ERG: variants seen among roughly 807,000 people sequenced by gnomAD.
The protein encoded by ERG is ETS transcription factor ERG.
A neutral mutation model predicts 55.3 loss-of-function variants in ERG; 9 were observed. The ratio of observed to expected loss-of-function variants is 0.16; its 90% CI spans 0.10 to 0.28. The LOEUF (loss-of-function observed/expected upper bound fraction) is 0.28. Ranked by LOEUF, ERG falls within the 10% of genes least tolerant of loss-of-function variation. The probability of loss-of-function intolerance (pLI) is 1.00; values close to 1 mark genes in which losing one functional copy is unlikely to be tolerated. For synonymous variants in ERG, 223 were observed against 237.3 expected, an observed-to-expected ratio of 0.94 and a Z score of 0.55; for missense variants, 434 against 631.6, an observed-to-expected ratio of 0.69 and a Z score of 3.35.
chr21:38,578,217 TAA>T (rs1280410581), intron 1 of ERG, among the ~76,000 whole-genome samples: 3 of 152,126 alleles, frequency 2.0e-5, no homozygotes, highest in Admixed American at 6.5e-5. Flanking sequence ...TCATGACCAA[TAA>T]TAAATGGGTT....
upstream of ERG, among the ~76,000 whole-genome samples, chr21:38,501,626 A>C (rs988894916): frequency 3.3e-5 from 5 of 152,084 alleles, no homozygotes; most frequent in Admixed American, 6.5e-5. Flanking sequence ...AATCTGGCAC[A>C]CGGCCCCTAC....
chr21:38,379,980 C>T (rs1987352251), downstream of ERG: 5 of 1,002,724 alleles, frequency 5.0e-6, no homozygotes, highest in Non-Finnish European at 6.0e-6. Context: ...TGTGAGTCAA[C>T]AAGATTTCTT....
At chr21:38,565,740 C>T (rs1358789567) in intron 2 of ERG, among the ~76,000 whole-genome samples, 1 of 152,200 alleles carries the variant, frequency 6.6e-6, no homozygotes, top group African/African-American at 2.4e-5. Context: ...CAGTCTCTTG[C>T]TTCTCCTGCT....
chr21:38,402,770 C>T (rs1324353201), intron 4 of ERG, 133 bp from the exon 5 acceptor site: 1 of 640,406 alleles, frequency 1.6e-6, no homozygotes, highest in African/African-American at 1.9e-5. Flanking sequence ...CCCCCACTCC[C>T]ACACTAACAT....
downstream of ERG, chr21:38,379,900 T>C (rs1397097847): frequency 4.7e-6 from 2 of 423,902 alleles, no homozygotes; most frequent in Admixed American, 6.4e-5. Context: ...GGTACTCTCA[T>C]GTTGCCCAGG....
At chr21:38,507,068 T>G (rs2059467278) in intron 2 of ERG, among the ~76,000 whole-genome samples, 1 of 151,968 alleles carries the variant, frequency 6.6e-6, no homozygotes. Context: ...GGGGTGCAAC[T>G]GCAGATAAAA....
chr21:38,657,246 C>T (rs1353007897), intron 1 of ERG, among the ~76,000 whole-genome samples: 2 of 152,186 alleles, frequency 1.3e-5, no homozygotes, highest in African/African-American at 2.4e-5. Flanking sequence ...TTTGCACATT[C>T]TCCTGAACAC....
At chr21:38,413,611 G>T (rs1343227745) in intron 3 of ERG, among the ~76,000 whole-genome samples, 2 of 152,010 alleles carry the variant, frequency 1.3e-5, no homozygotes, top group South Asian at 4.1e-4. Flanking sequence ...TTTTTGTTAG[G>T]CTCTAAACAT....
intron 2 of ERG, among the ~76,000 whole-genome samples, chr21:38,521,223 A>G (rs2059592067): frequency 6.6e-6 from 1 of 152,190 alleles, no homozygotes; most frequent in Non-Finnish European, 1.5e-5. Context: ...CATTTTCTCA[A>G]GCAACATTCA....
intron 2 of ERG, among the ~76,000 whole-genome samples, chr21:38,525,375 C>G (rs1032035033): frequency 1.3e-5 from 2 of 152,196 alleles, no homozygotes; most frequent in African/African-American, 4.8e-5. Flanking sequence ...CTCTAACAGA[C>G]GATGCCTTCC....
chr21:38,515,585 A>ACC (rs1374408909), intron 2 of ERG, among the ~76,000 whole-genome samples: 7 of 152,012 alleles, frequency 4.6e-5, no homozygotes, highest in Admixed American at 4.6e-4. Context: ...GGCCAACATT[A>ACC]CCCTCATAAC....
chr21:38,466,160 G>C (rs537779525), intron 1 of ERG, among the ~76,000 whole-genome samples: 1 of 152,190 alleles, frequency 6.6e-6, no homozygotes, highest in South Asian at 2.1e-4. Flanking sequence ...TACATAATAG[G>C]CTGCAAATAG....
chr21:38,386,878 C>T (rs1987714620), intron 9 of ERG, among the ~76,000 whole-genome samples: 1 of 151,646 alleles, frequency 6.6e-6, no homozygotes, highest in Admixed American at 6.6e-5. Context: ...CAAAATAAAA[C>T]ATATTTGGAG....
chr21:38,402,443 A>T, intron 5 of ERG, 114 bp downstream of exon 5: 1 of 731,450 alleles, frequency 1.4e-6, no homozygotes, highest in Non-Finnish European at 2.3e-6. Flanking sequence ...ATTCTGAATC[A>T]TCTACCTGCG....
intron 6 of ERG, among the ~76,000 whole-genome samples, chr21:38,398,552 A>G (rs527271997): frequency 6.6e-6 from 1 of 152,296 alleles, no homozygotes; most frequent in South Asian, 2.1e-4. Context: ...TTATGGGCCC[A>G]TGGAAGACCA....
intron 1 of ERG, among the ~76,000 whole-genome samples, chr21:38,644,298 C>T (rs1286579677): frequency 1.3e-5 from 2 of 151,712 alleles, no homozygotes; most frequent in Admixed American, 6.6e-5. Flanking sequence ...AAAGAACTTT[C>T]GATATATTAT....
At chr21:38,508,010 GAGAC>G (rs1354473720) in intron 2 of ERG, among the ~76,000 whole-genome samples, 7 of 34,570 alleles carry the variant, frequency 2.0e-4, no homozygotes, top group Non-Finnish European at 4.1e-4. Flanking sequence ...CACACACACA[GAGAC>G]ACACAAACAC....
At chr21:38,587,521 G>A (rs2060073791), upstream of ERG, among the ~76,000 whole-genome samples, 1 of 152,102 alleles carries the variant, frequency 6.6e-6, no homozygotes, top group South Asian at 2.1e-4. Flanking sequence ...ACCACACCCG[G>A]CTAATTTTTG....
intron 1 of ERG, among the ~76,000 whole-genome samples, chr21:38,469,103 TGGGG>T (rs2059118195): frequency 6.7e-6 from 1 of 149,430 alleles, no homozygotes; most frequent in Non-Finnish European, 1.5e-5. Context: ...GACATGCCAC[TGGGG>T]GTCCCCTTAT....
Sources: allele counts gnomAD v4.1 joint callset (sites outside exome capture counted in the v4.1 genomes callset), GRCh38; gene constraint gnomAD v4.1.1; transcripts MANE v1.5; gene names NCBI Gene and HGNC (gene_info 2026-07-23, HGNC 2026-07-21).